The following USP33 variants were observed in gnomAD, a reference collection of about 807,000 sequenced individuals.
The protein encoded by USP33 is ubiquitin specific peptidase 33.
A neutral mutation model predicts 124.2 loss-of-function variants in USP33; 46 were observed. The observed-to-expected ratio is 0.37, with a 90% CI of 0.29 to 0.47. The LOEUF is 0.47. Ranked by LOEUF, USP33 falls within the 20% of genes least tolerant of loss-of-function variation. The pLI is 0.99. For synonymous variants in USP33, 350 were observed against 352.3 expected (o/e 0.99, Z 0.07); for missense variants, 851 against 1,070.6 (o/e 0.79, Z 2.86).
At chr1:77,717,435 A>C (rs1676047843) in intron 17 of USP33, 1 of 151,172 alleles carries the variant, frequency 6.6e-6, no homozygotes, top group Non-Finnish European at 1.5e-5. Context: ...GGTTGCAGTG[A>C]GCCAAGATCG....
chr1:77,698,541 C>A (rs1673659611), intron 22 of USP33, among the ~76,000 whole-genome samples: 1 of 150,148 alleles, frequency 6.7e-6, no homozygotes, highest in South Asian at 2.1e-4. Flanking sequence ...GCTCTGTTGC[C>A]AAGGGCTGGA....
chr1:77,751,694 C>T (rs1228858913), intron 1 of USP33, among the ~76,000 whole-genome samples: 1 of 152,012 alleles, frequency 6.6e-6, no homozygotes, highest in Non-Finnish European at 1.5e-5. Context: ...GAAGATATTA[C>T]CTTTTTTTTT....
chr1:77,753,848 T>C (rs899781751), intron 1 of USP33, among the ~76,000 whole-genome samples: 4 of 149,926 alleles, frequency 2.7e-5, no homozygotes, highest in African/African-American at 9.7e-5. Flanking sequence ...TAATTACATA[T>C]TATATATTAG....
chr1:77,759,800 G>A lies in USP33; in HGVS notation c.-209C>T, dbSNP rs139942784. On this transcript the variant is annotated 5_prime_UTR_variant, in exon 1 of 24. Coordinates refer to ENST00000370794, the MANE Select transcript of USP33 (RefSeq NM_201624.3). ...CCGCAGCGCTGCCCTCGGGGGGTCCGCCTCCTGAACTGGCCACTTCCCGCA... is the reference window on the plus strand; with the variant it reads ...CCGCAGCGCTGCCCTCGGGGGGTCCACCTCCTGAACTGGCCACTTCCCGCA... The A allele has an allele frequency of 5.8e-3, 2,303 of 397,500 alleles. 11 individuals are homozygous for A. Among genetic ancestry groups the A allele is most frequent in the South Asian group, 0.01 (78 of 7,792 alleles). 24.6% of individuals were successfully genotyped at this position (397,500 alleles called of 1,614,324 possible).
chr1:77,715,712 T>C, intron 18 of USP33, 30 bp downstream of exon 18: 2 of 1,603,586 alleles, frequency 1.2e-6, no homozygotes, highest in Non-Finnish European at 1.7e-6. Context: ...GTGAGAGATG[T>C]CCTTTCGCAT....
chr1:77,757,123 C>G (rs1680873787), intron 1 of USP33, among the ~76,000 whole-genome samples: 1 of 152,210 alleles, frequency 6.6e-6, no homozygotes, highest in African/African-American at 2.4e-5. Flanking sequence ...CAATATTTAC[C>G]TTTCAAAGCT....
At chr1:77,750,286 C>A (rs527681305) in intron 1 of USP33, among the ~76,000 whole-genome samples, 48 of 151,946 alleles carry the variant, frequency 3.2e-4, no homozygotes, top group Non-Finnish European at 6.8e-4. Context: ...CCACTGCACA[C>A]CAGCCTGGGC....
chr1:77,713,152 G>T, intron 20 of USP33, 48 bp downstream of exon 20: 2 of 1,507,572 alleles, frequency 1.3e-6, no homozygotes, highest in Non-Finnish European at 9.1e-7. Context: ...CTTTTAACCA[G>T]TTTAACCGAC....
In USP33 at chr1:77,722,086, T is replaced by A; in HGVS notation, c.1500A>T (p.Gly500=). The A allele has an allele frequency of 6.2e-7, 1 of 1,614,100 alleles. No individual in the cohort carries two copies. The highest frequency in any genetic ancestry group is 1.7e-5 in the Admixed American group (1 of 60,016). The change falls in exon 13 of 24, where the codon GGA becomes GGT. Residue 500 remains glycine, a synonymous_variant. Coordinates refer to ENST00000370794, the MANE Select transcript of USP33 (RefSeq NM_201624.3). The part of the protein sequence containing the change: ...SSHPTSIVKA[G]SCGEAYAPQG... ...GTGGAGCATATGCTTCGCCACATGA[T>A]CCTGCTTTGACTATAGAAGTTGGAT...
rs191361611 is a variant in USP33 at position 77,718,542 on chromosome 1, A to G, written c.1737+54T>C. On this transcript the variant is annotated intron_variant, in intron 16 of 23. Coordinates refer to ENST00000370794, the MANE Select transcript of USP33 (RefSeq NM_201624.3). ...ATTTATTACTACATTTTGTTACATT[A>G]ATACTTTATGTTCCTACCACACAAT... 3.7e-6 allele frequency: 5 copies of G among 1,348,058 alleles called. No individual in the cohort carries two copies. In the East Asian group the frequency reaches 1.1e-4, roughly 31 times the overall value. The allele number at this position is 1,348,058 out of a possible 1,614,324, so 83.5% of individuals were successfully genotyped here.
At chr1:77,703,403 C>T (rs1674262077) in intron 21 of USP33, among the ~76,000 whole-genome samples, 1 of 152,108 alleles carries the variant, frequency 6.6e-6, no homozygotes, top group South Asian at 2.1e-4. Flanking sequence ...CAAGGCAGAT[C>T]ACCTGAGGTC....
Position 77,720,730 on chromosome 1 carries a change from T to A in USP33, c.1691+442A>T, listed in dbSNP as rs947363649. The A allele has an allele frequency of 1.2e-5, 6 of 495,922 alleles. No individual in the cohort carries two copies. In the African/African-American group the frequency reaches 1.3e-4, roughly 10 times the overall value. 30.7% of individuals were successfully genotyped at this position (495,922 alleles called of 1,614,324 possible). A position where few individuals can be genotyped will look rare whatever the true frequency, so the allele number is the denominator to read the frequency against. The stretch of plus-strand genomic sequence containing the variant: ...TGATTACAAGACAGAAAAAGGCAGC[T>A]GGTAGTAGATGTAAACAAAATCAGA... On this transcript the variant is annotated intron_variant, in intron 15 of 23. Coordinates refer to ENST00000370794, the MANE Select transcript of USP33 (RefSeq NM_201624.3).
At chr1:77,743,638 C>T (rs1343006529) in intron 1 of USP33, among the ~76,000 whole-genome samples, 1 of 152,066 alleles carries the variant, frequency 6.6e-6, no homozygotes, top group Non-Finnish European at 1.5e-5. Context: ...TGTGATTAGA[C>T]TACCCCAAGC....
chr1:77,737,062 C>T (rs1012274705), intron 5 of USP33, among the ~76,000 whole-genome samples: 1 of 151,044 alleles, frequency 6.6e-6, no homozygotes, highest in Non-Finnish European at 1.5e-5. Context: ...ACGAAAAAAA[C>T]TTTGAGCTAA....
intron 5 of USP33, among the ~76,000 whole-genome samples, chr1:77,736,869 A>T (rs1343581640): frequency 6.6e-6 from 1 of 152,104 alleles, no homozygotes. Context: ...CGGCCTCCCA[A>T]AATGCTGGGA....
chr1:77,749,542 T>G (rs1294360489), intron 1 of USP33, among the ~76,000 whole-genome samples: 1 of 152,036 alleles, frequency 6.6e-6, no homozygotes, highest in Non-Finnish European at 1.5e-5. Context: ...CCACCACGAC[T>G]GGCTAATTTT....
chr1:77,715,752 G>A lies in USP33; in HGVS notation c.2035C>T (p.Leu679Phe). ...ACTTATTTCCATTACCTATAGAAAA[G>A]AACGTAAGCTTCTGCATTTTGTACA... ...STVQNAEAYV[L>F]FYRKSSEEAQ... The change falls in exon 18 of 24, where the codon CTT becomes TTT. Residue 679 changes from leucine to phenylalanine, a missense_variant. This residue lies in a region of USP33 where 281 missense variants were observed against 425.0 expected (regional missense o/e 0.66). Transcript: ENST00000370794. The A allele has an allele frequency of 1.2e-6, 2 of 1,613,068 alleles. No individual in the cohort carries two copies. The highest frequency in any genetic ancestry group is 1.7e-6 in the Non-Finnish European group (2 of 1,179,750).
intron 1 of USP33, 164 bp downstream of exon 1, chr1:77,759,479 A>C (rs1681122111): frequency 2.5e-6 from 1 of 396,704 alleles, no homozygotes; most frequent in Non-Finnish European, 4.4e-6. Context: ...CGAGGGGCCA[A>C]GGCCTTCTTC....
At chr1:77,713,562 T>TC in intron 19 of USP33, 1 of 234,826 alleles carries the variant, frequency 4.3e-6, no homozygotes, top group South Asian at 6.9e-5. Flanking sequence ...CTTTTCTTTT[T>TC]TTTTTTTTTT....
Sources: gnomAD v4.1 joint callset for allele counts (sites outside exome capture counted in the v4.1 genomes callset) on GRCh38, gnomAD v4.1.1 for gene constraint, gnomAD v4.1.1 regional missense constraint, MANE v1.5 for transcripts, NCBI Gene and HGNC (gene_info 2026-07-23, HGNC 2026-07-21) for gene names.